The following PSMG1 variants were observed in gnomAD, a reference collection of about 807,000 sequenced individuals.
PSMG1 encodes Down syndrome critical region gene 2.
Under a neutral mutation model 37.2 loss-of-function variants are expected in PSMG1, and 23 were observed. The observed-to-expected ratio is 0.62, with a 90% CI of 0.44 to 0.88. PSMG1 has a LOEUF of 0.88. PSMG1 is among the 40% of genes least tolerant of loss of function. The pLI, the probability that PSMG1 is intolerant of heterozygous loss-of-function variation, is 0.00. For missense variants in PSMG1, 340 were observed against 344.2 expected (o/e 0.99, Z 0.10); for synonymous variants, 127 against 128.0 (o/e 0.99, Z 0.05).
Position 39,180,383 on chromosome 21 carries a change from C to G in PSMG1, c.295G>C (p.Ala99Pro), listed in dbSNP as rs2030784874. The stretch of plus-strand genomic sequence containing the variant: ...CTACACCATTCATTCCAGAGTTTAG[C>G]ACAACCAACTTCCTCCCAGACTCCT... ...NSGVWEEVGC[A>P]KLWNEWCRTT... is the part of the protein sequence containing the mutation. Residue 99 changes from alanine to proline, a missense_variant, in exon 3 of 7, where the codon GCT becomes CCT. Transcript: ENST00000331573. 1 of 1,608,720 alleles carries G rather than the reference C, an allele frequency of 6.2e-7. No homozygotes were observed. The highest frequency in any genetic ancestry group is 8.5e-7 in the Non-Finnish European group (1 of 1,177,492).
At chr21:39,179,897 A>T in intron 4 of PSMG1, 27 bp downstream of exon 4, 1 of 1,606,260 alleles carries the variant, frequency 6.2e-7, no homozygotes, top group Non-Finnish European at 8.5e-7. Context: ...TAGACTAACC[A>T]TTCACAGGTT....
rs1250476856 is a variant in PSMG1, at chr21:39,175,582, G to A, written c.*8C>T. ...CAAGTAATATACACTACAAAACAAT[G>A]TTTAAGATCATGTATAAATGTTACT... is the stretch of plus-strand genomic sequence containing the variant. On this transcript the variant is annotated 3_prime_UTR_variant, in exon 7 of 7. Transcript: ENST00000331573. 1.3e-6 allele frequency: 2 copies of A among 1,584,362 alleles called. No homozygotes were observed. Among genetic ancestry groups the A allele is most frequent in the Non-Finnish European group, 8.7e-7 (1 of 1,154,576 alleles).
chr21:39,180,119 T>G, intron 3 of PSMG1, 133 bp from the exon 4 acceptor site: 1 of 1,237,268 alleles, frequency 8.1e-7, no homozygotes, highest in Non-Finnish European at 1.1e-6. Flanking sequence ...GACCTACTTA[T>G]TTCTCTTTAA....
chr21:39,175,549 G>A lies in PSMG1; in HGVS notation c.*41C>T. The A allele has an allele frequency of 6.4e-7, 1 of 1,573,646 alleles. No individual in the cohort carries two copies. The highest frequency in any genetic ancestry group is 1.1e-5 in the South Asian group (1 of 87,374). On this transcript the variant is annotated 3_prime_UTR_variant, in exon 7 of 7. Coordinates refer to ENST00000331573, the MANE Select transcript of PSMG1 (RefSeq NM_003720.4). ...AAGAGTGCAGGCTGCTCCCCTTAAA[G>A]GAATGGACAAGTAATATACACTACA...
chr21:39,180,397 T>G lies in PSMG1; in HGVS notation c.281A>C (p.Glu94Ala). Reference sequence around the variant, plus strand: ...CCAGAGTTTAGCACAACCAACTTCCTCCCAGACTCCTGAATTCATAACAAA... The same window carrying G: ...CCAGAGTTTAGCACAACCAACTTCCGCCCAGACTCCTGAATTCATAACAAA... ...SSFVMNSGVW[E>A]EVGCAKLWNE... is the part of the protein sequence containing the mutation. The change falls in exon 3 of 7, where the codon GAG becomes GCG. Residue 94 changes from glutamate to alanine, a missense_variant. Physicochemically the swap from Glu to Ala is moderately radical, Grantham distance 107. Coordinates refer to ENST00000331573, the MANE Select transcript of PSMG1 (RefSeq NM_003720.4). 1.2e-6 allele frequency: 2 copies of G among 1,607,360 alleles called. No homozygotes were observed. The highest frequency in any genetic ancestry group is 2.7e-5 in the African/African-American group (2 of 74,848).
At chr21:39,183,454 C>G, upstream of PSMG1, 1 of 1,486,576 alleles carries the variant, frequency 6.7e-7, no homozygotes, top group Non-Finnish European at 8.9e-7. Context: ...CGCGAGACCA[C>G]GCTCCCTCAC....
intron 1 of PSMG1, 122 bp downstream of exon 1, chr21:39,183,129 CG>C: frequency 8.0e-7 from 1 of 1,242,512 alleles, no homozygotes; most frequent in Non-Finnish European, 1.1e-6. Context: ...AGCCAAGGAG[CG>C]GCGGCAACCG....
chr21:39,183,491 A>G, upstream of PSMG1: 2 of 1,360,696 alleles, frequency 1.5e-6, no homozygotes, highest in Non-Finnish European at 1.9e-6. Context: ...CCCGCCCCGC[A>G]CAGGCCACGC....
chr21:39,176,227 A>G (rs551571621), intron 6 of PSMG1, among the ~76,000 whole-genome samples: 1 of 152,228 alleles, frequency 6.6e-6, no homozygotes, highest in Non-Finnish European at 1.5e-5. Flanking sequence ...CATTATCTCC[A>G]AAGCAAAAAT....
In PSMG1 at chr21:39,180,346, G is replaced by T; in HGVS notation, c.332C>A (p.Thr111Asn). The T allele has an allele frequency of 6.2e-7, 1 of 1,613,376 alleles. No individual in the cohort carries two copies. The highest frequency in any genetic ancestry group is 8.5e-7 in the Non-Finnish European group (1 of 1,179,606). ...LWNEWCRTTD[T>N]THLSSTEAFC... The stretch of plus-strand genomic sequence containing the variant: ...AGCCTCTGTGGAGGACAGATGTGTA[G>T]TGTCTGTTGTTCTACACCATTCATT... Residue 111 changes from threonine to asparagine, a missense_variant, in exon 3 of 7, where the codon ACT becomes AAT. Coordinates refer to ENST00000331573, the MANE Select transcript of PSMG1 (RefSeq NM_003720.4).
chr21:39,178,934 A>G (rs1165094626), intron 4 of PSMG1: 2 of 368,204 alleles, frequency 5.4e-6, no homozygotes, highest in East Asian at 1.2e-4. Context: ...GTGATTCCCA[A>G]TGTTGGAGGC....
At position 39,183,200 on chromosome 21, in the gene PSMG1, C is replaced by A. The variant is rs1323024970; in HGVS notation, c.134+52G>T. ...TTAGGCGCCGTCGCGGCTGCCAGGC[C>A]CGCGCACCTTCCAGCTGCGGTGAGC... On this transcript the variant is annotated intron_variant, in intron 1 of 6. Transcript: ENST00000331573. 3 of 1,498,766 alleles carry A rather than the reference C, an allele frequency of 2.0e-6. No individual in the cohort carries two copies. In the East Asian group the frequency reaches 8.1e-5, roughly 40 times the overall value. The allele number at this position is 1,498,766 out of a possible 1,614,324, so 92.8% of individuals were successfully genotyped here. A position where few individuals can be genotyped will look rare whatever the true frequency, so the allele number is the denominator to read the frequency against.
chr21:39,181,421 C>G (rs1330104009), intron 2 of PSMG1, among the ~76,000 whole-genome samples: 1 of 151,732 alleles, frequency 6.6e-6, no homozygotes, highest in Non-Finnish European at 1.5e-5. Context: ...CAGATGTGAG[C>G]CACTGCACCC....
rs1309820668 is a variant in PSMG1 at position 39,183,293 on chromosome 21, C to A, written c.93G>T (p.Thr31=). ...GCAGACGCACCTCCCTGTCCTCGGG[C>A]GTCTCCCTCCGCCCCTCCTCCTCCT... The part of the protein sequence containing the change: ...EEEEEEGRRE[T]PEDREVRLQL... The change falls in exon 1 of 7, where the codon ACG becomes ACT. Residue 31 remains threonine (T), a synonymous_variant. Transcript: ENST00000331573. The A allele has an allele frequency of 1.9e-6, 3 of 1,586,060 alleles. No individual in the cohort carries two copies. The highest frequency in any genetic ancestry group is 2.3e-5 in the East Asian group (1 of 42,856).
chr21:39,182,322 G>T (rs1457625401), intron 1 of PSMG1, among the ~76,000 whole-genome samples: 2 of 152,182 alleles, frequency 1.3e-5, no homozygotes, highest in African/African-American at 4.8e-5. Context: ...TTCAGAGTGT[G>T]GGGGCACTGG....
chr21:39,177,344 C>T (rs749656421), intron 6 of PSMG1, 91 bp downstream of exon 6: 4 of 1,260,140 alleles, frequency 3.2e-6, no homozygotes, highest in Non-Finnish European at 4.2e-6. Flanking sequence ...CCAAGCATTG[C>T]TTAGGGTTTA....
intron 1 of PSMG1, among the ~76,000 whole-genome samples, chr21:39,182,861 T>C (rs1344096025): frequency 2.6e-5 from 4 of 152,108 alleles, no homozygotes; most frequent in Admixed American, 2.0e-4. Context: ...ACGACAAACG[T>C]GGTGGGGCCC....
intron 6 of PSMG1, among the ~76,000 whole-genome samples, chr21:39,176,946 G>A (rs1022146305): frequency 2.3e-4 from 35 of 152,148 alleles, no homozygotes; most frequent in African/African-American, 8.0e-4. Context: ...TTTCATGTAC[G>A]TGTTCCAATT....
At chr21:39,180,054 T>C in intron 3 of PSMG1, 68 bp from the exon 4 acceptor site, 9 of 1,474,830 alleles carry the variant, frequency 6.1e-6, no homozygotes, top group Non-Finnish European at 8.5e-6. Flanking sequence ...TCACCATATA[T>C]GTAACATGTG....
Sources: allele counts gnomAD v4.1 joint callset (sites outside exome capture counted in the v4.1 genomes callset), GRCh38; gene constraint gnomAD v4.1.1; transcripts MANE v1.5; gene names NCBI Gene and HGNC (gene_info 2026-07-23, HGNC 2026-07-21).